PHF3: variants seen among roughly 807,000 people sequenced by gnomAD.
The protein encoded by PHF3 is PHD finger protein 3.
Under a neutral mutation model 178.4 loss-of-function variants are expected in PHF3, and 41 were observed. The observed-to-expected ratio is 0.23, with a 90% CI of 0.18 to 0.30. PHF3 has a LOEUF of 0.30. Ranked by LOEUF, PHF3 falls within the 10% of genes least tolerant of loss-of-function variation. PHF3 has a pLI of 1.00. For synonymous variants in PHF3, 842 were observed against 800.5 expected (o/e 1.05, Z -0.88); for missense variants, 2,346 against 2,398.1 (o/e 0.98, Z 0.45).
Position 63,717,990 on chromosome 6 carries a change from C to T in PHF3, c.*4282C>T, listed in dbSNP as rs147089453. On this transcript the variant is annotated 3_prime_UTR_variant, in exon 16 of 16. Coordinates refer to ENST00000262043, the MANE Select transcript of PHF3 (RefSeq NM_001370348.2). The stretch of plus-strand genomic sequence containing the variant: ...TTTCTGTAGCCAATCATTTTTATTT[C>T]GTACTGGAAAAGCATTTCACATAGG... Among the ~76,000 whole-genome samples the T allele has an allele frequency of 8.2e-4, 124 of 152,032 alleles. No homozygotes were observed. The highest frequency in any genetic ancestry group is 1.8e-3 in the Admixed American group (28 of 15,220).
At chr6:63,638,259 AGGCAGCAAGT>A (rs2149532217) in intron 1 of PHF3, among the ~76,000 whole-genome samples, 1 of 152,232 alleles carries the variant, frequency 6.6e-6, no homozygotes, top group Non-Finnish European at 1.5e-5. Flanking sequence ...AAAAGTTGGG[AGGCAGCAAGT>A]GGCAATTTGG....
intron 2 of PHF3, among the ~76,000 whole-genome samples, chr6:63,666,503 C>G (rs1237754060): frequency 2.6e-5 from 4 of 151,154 alleles, no homozygotes; most frequent in Non-Finnish European, 5.9e-5. Flanking sequence ...TCCGCGGTAT[C>G]CATAGGGGAT....
intron 14 of PHF3, among the ~76,000 whole-genome samples, chr6:63,710,381 G>A (rs1307319822): frequency 6.6e-6 from 1 of 152,042 alleles, no homozygotes; most frequent in East Asian, 1.9e-4. Flanking sequence ...GGGCAGTTTA[G>A]ATGACACACA....
In PHF3 at chr6:63,717,707, A is replaced by G. The variant is rs919266008; in HGVS notation, c.*3999A>G. 1.6e-4 allele frequency among the ~76,000 whole-genome samples: 25 copies of G among 152,094 alleles called. No individual in the cohort carries two copies. The highest frequency in any genetic ancestry group is 5.5e-4 in the African/African-American group (23 of 41,514). ...ATCCAATATAACTCTAAATATCCCC[A>G]AAATACTTTTTCTATGAAATAATTC... On this transcript the variant is annotated 3_prime_UTR_variant, in exon 16 of 16. Transcript: ENST00000262043.
chr6:63,668,069 CATTGATGAT>C (rs1395049687), intron 2 of PHF3, among the ~76,000 whole-genome samples: 2 of 152,164 alleles, frequency 1.3e-5, no homozygotes, highest in East Asian at 3.8e-4. Context: ...TTTATGCATC[CATTGATGAT>C]ATTCGCTGGA....
At chr6:63,697,167 G>T (rs1170168543) in intron 6 of PHF3, among the ~76,000 whole-genome samples, 3 of 152,130 alleles carry the variant, frequency 2.0e-5, no homozygotes, top group African/African-American at 7.2e-5. Flanking sequence ...ATGGAGGGAG[G>T]TATTTATCAG....
intron 2 of PHF3, among the ~76,000 whole-genome samples, chr6:63,679,421 TG>T (rs1037905594): frequency 1.4e-4 from 21 of 152,050 alleles, no homozygotes; most frequent in Non-Finnish European, 3.1e-4. Context: ...CTCCAGCATT[TG>T]GGGGAAGGGG....
chr6:63,666,853 G>A (rs1387369940), intron 2 of PHF3, among the ~76,000 whole-genome samples: 1 of 151,544 alleles, frequency 6.6e-6, no homozygotes, highest in Non-Finnish European at 1.5e-5. Context: ...CCGGGTTCAA[G>A]CCATTCTCCT....
At chr6:63,710,502 T>TG (rs555563827) in intron 14 of PHF3, among the ~76,000 whole-genome samples, 3 of 152,070 alleles carry the variant, frequency 2.0e-5, no homozygotes, top group Non-Finnish European at 2.9e-5. Flanking sequence ...TATACCATCA[T>TG]GAAAAAAAAC....
chr6:63,680,129 C>A lies in PHF3; in HGVS notation c.374C>A (p.Ser125Tyr). ...AAGGTAGAAGAAAATTCAGTGAGAT[C>A]TCCAAGAAAATCACCTCGTTTAATG... ...RDKVEENSVR[S>Y]PRKSPRLMAQ... is the part of the protein sequence containing the mutation. The change falls in exon 3 of 16, where the codon TCT becomes TAT. Residue 125 changes from serine to tyrosine, a missense_variant. Physicochemically the swap from Ser to Tyr is moderately radical, Grantham distance 144. Transcript: ENST00000262043. The A allele has an allele frequency of 1.9e-6, 3 of 1,609,192 alleles. No homozygotes were observed. Among genetic ancestry groups the A allele is most frequent in the African/African-American group, 1.3e-5 (1 of 74,694 alleles).
Position 63,699,308 on chromosome 6 carries a change from A to T in PHF3, c.2982+703A>T, listed in dbSNP as rs894559008. 3.3e-5 allele frequency among the ~76,000 whole-genome samples: 5 copies of T among 152,320 alleles called. No individual in the cohort carries two copies. In the South Asian group the frequency reaches 1.0e-3, roughly 32 times the overall value. On this transcript the variant is annotated intron_variant, in intron 8 of 15. Coordinates refer to ENST00000262043, the MANE Select transcript of PHF3 (RefSeq NM_001370348.2). ...GAACATGACTGATCTCTTGTGTGTG[A>T]CATTTACCTAGGTCCACCAGCAGTT...
Position 63,700,875 on chromosome 6 carries a change from A to G in PHF3, c.3099+409A>G, listed in dbSNP as rs1031988135. On this transcript the variant is annotated intron_variant, in intron 9 of 15. Transcript: ENST00000262043. ...GGGATTACAGGCATGAGCCACCTAC[A>G]TGCTTCTTTTAATTACTTGTTCTCC... Among the ~76,000 whole-genome samples, 8 of 152,194 alleles carry G rather than the reference A, an allele frequency of 5.3e-5. No individual in the cohort carries two copies. The East Asian group carries it at 1.2e-3, about 22-fold the overall frequency.
intron 2 of PHF3, among the ~76,000 whole-genome samples, chr6:63,670,070 C>G (rs1765845850): frequency 6.6e-6 from 1 of 151,980 alleles, no homozygotes; most frequent in Non-Finnish European, 1.5e-5. Context: ...TAAAAGGAGA[C>G]TGTGATTCTT....
intron 2 of PHF3, among the ~76,000 whole-genome samples, chr6:63,648,130 T>A (rs1764868197): frequency 6.6e-6 from 1 of 152,206 alleles, no homozygotes; most frequent in Admixed American, 6.5e-5. Context: ...GTCTTTTGAA[T>A]TGCTTGCTAA....
chr6:63,679,718 C>CAAGTAATAAATGGG (rs1766342653), intron 2 of PHF3: 2 of 430,600 alleles, frequency 4.6e-6, no homozygotes, highest in South Asian at 3.6e-5. Flanking sequence ...AAGGGGTCAG[C>CAAGTAATAAATGGG]AAGTAATAAA....
At chr6:63,698,638 C>T (rs901150330) in intron 8 of PHF3, 33 bp downstream of exon 8, 1 of 1,462,786 alleles carries the variant, frequency 6.8e-7, no homozygotes, top group African/African-American at 1.4e-5. Context: ...TTTATGCTTC[C>T]AACTTTCCTG....
At chr6:63,688,000 C>T (rs925519788) in intron 4 of PHF3, among the ~76,000 whole-genome samples, 8 of 151,752 alleles carry the variant, frequency 5.3e-5, no homozygotes, top group South Asian at 2.1e-4. Context: ...CTGGCTAACA[C>T]GGTGAAACCC....
intron 4 of PHF3, among the ~76,000 whole-genome samples, chr6:63,688,432 T>C (rs1471656507): frequency 1.4e-5 from 2 of 143,772 alleles, no homozygotes; most frequent in African/African-American, 5.2e-5. Flanking sequence ...ACCTCCTGAG[T>C]TCAAGTGATT....
rs1768275790 is a variant in PHF3, at chr6:63,719,051, G to A, written c.*5343G>A. Reference sequence around the variant, plus strand: ...TAAAAAAACAAACCTTTGAATCAATGTGTAAACATTCTGCAATTCTACCTT... The same window carrying A: ...TAAAAAAACAAACCTTTGAATCAATATGTAAACATTCTGCAATTCTACCTT... On this transcript the variant is annotated 3_prime_UTR_variant, in exon 16 of 16. Coordinates refer to ENST00000262043, the MANE Select transcript of PHF3 (RefSeq NM_001370348.2). 6.6e-6 allele frequency among the ~76,000 whole-genome samples: 1 copy of A among 151,988 alleles called. No homozygotes were observed. The highest frequency in any genetic ancestry group is 6.6e-5 in the Admixed American group (1 of 15,206).
Sources: gnomAD v4.1 joint callset for allele counts (sites outside exome capture counted in the v4.1 genomes callset) on GRCh38, gnomAD v4.1.1 for gene constraint, MANE v1.5 for transcripts, NCBI Gene and HGNC (gene_info 2026-07-23, HGNC 2026-07-21) for gene names.